Variants in ACTN4 observed in about 807,000 individuals in gnomAD.
ACTN4 encodes the protein actinin alpha 4, also known as alpha-actinin-4.
A neutral mutation model predicts 114.2 loss-of-function variants in ACTN4; 18 were observed. The observed-to-expected ratio is 0.16, with a 90% CI of 0.11 to 0.23. ACTN4 has a LOEUF of 0.23. Among genes scored for constraint, ACTN4 ranks in the 10% least tolerant of loss-of-function variants. The pLI, the probability that ACTN4 is intolerant of heterozygous loss-of-function variation, is 1.00. For missense variants in ACTN4, 722 were observed against 1,262.9 expected, an observed-to-expected ratio of 0.57 and a Z score of 6.49; for synonymous variants, 515 against 506.3, an observed-to-expected ratio of 1.02 and a Z score of -0.23.
chr19:38,727,164 C>T lies in ACTN4; in HGVS notation c.2337+61C>T. 4 of 1,611,734 alleles carry T rather than the reference C, an allele frequency of 2.5e-6. No homozygotes were observed. The highest frequency in any genetic ancestry group is 3.4e-6 in the Non-Finnish European group (4 of 1,178,770). On this transcript the variant is annotated intron_variant, in intron 18 of 20. Coordinates refer to ENST00000252699, the MANE Select transcript of ACTN4 (RefSeq NM_004924.6). This position sits in a 1 kb window ranked among gnomAD's most constrained non-coding sequence, Gnocchi z 5.4. ...CCGCCGTTGCCGTACCAGCCCACAC[C>T]TTCGTCTCTGCATCTGTTCGTCCAT...
At chr19:38,725,215 G>A (rs1969190804) in intron 16 of ACTN4, among the ~76,000 whole-genome samples, 2 of 152,202 alleles carry the variant, frequency 1.3e-5, no homozygotes, top group South Asian at 4.1e-4. Context: ...AGGCAACCTC[G>A]TTTAAACCCA....
At chr19:38,707,427 A>G (rs946904605) in intron 5 of ACTN4, among the ~76,000 whole-genome samples, 1 of 152,128 alleles carries the variant, frequency 6.6e-6, no homozygotes, top group African/African-American at 2.4e-5. Context: ...GGGAAGTCAG[A>G]TGAAGAAAGT....
intron 1 of ACTN4, among the ~76,000 whole-genome samples, chr19:38,667,143 T>C (rs1037417398): frequency 1.3e-5 from 2 of 152,206 alleles, no homozygotes; most frequent in Non-Finnish European, 2.9e-5. Context: ...CCTGACACGA[T>C]GGCTCAGAAC....
At chr19:38,676,837 A>G (rs1218354197) in intron 1 of ACTN4, among the ~76,000 whole-genome samples, 1 of 152,158 alleles carries the variant, frequency 6.6e-6, no homozygotes, top group Non-Finnish European at 1.5e-5. Context: ...TTCGAGCAAC[A>G]GCTCCTGGCG....
chr19:38,659,708 C>A (rs192381934), intron 1 of ACTN4, among the ~76,000 whole-genome samples: 1 of 152,108 alleles, frequency 6.6e-6, no homozygotes, highest in African/African-American at 2.4e-5. Flanking sequence ...ACTTTCTTGC[C>A]TAAAAATAAA....
At position 38,672,238 on chromosome 19, in the gene ACTN4, CTTTTTTTT is replaced by C. The variant is rs35567918; in HGVS notation, c.162+24344_162+24351del. On this transcript the variant is annotated intron_variant, in intron 1 of 20. Transcript: ENST00000252699. The stretch of plus-strand genomic sequence containing the variant: ...ACAGCAGTATTTCTTACATGTGGTT[CTTTTTTTT>C]TTTTTTTTTTTTGAGACGGAGTCTT... Among the ~76,000 whole-genome samples the C allele has an allele frequency of 7.9e-5, 9 of 113,718 alleles. No individual in the cohort carries two copies. The East Asian group carries it at 1.5e-3, about 19-fold the overall frequency. The allele number at this position is 113,718 out of a possible 152,430, so 74.6% of individuals were successfully genotyped here.
Position 38,709,474 on chromosome 19 carries a change from A to G in ACTN4, c.731A>G (p.Glu244Gly). 1.2e-6 allele frequency: 2 copies of G among 1,613,110 alleles called. No homozygotes were observed. The highest frequency in any genetic ancestry group is 1.7e-6 in the Non-Finnish European group (2 of 1,179,036). ...YLDIPKMLDA[E>G]DIVNTARPDE... The stretch of plus-strand genomic sequence containing the variant: ...GACATCCCCAAGATGCTGGATGCAG[A>G]GGGTAAGTCATCTCTTCTGTTCAGC... Residue 244 changes from glutamate to glycine, a missense_variant and splice_region_variant, in exon 7 of 21, where the codon GAG becomes GGG. Physicochemically the swap from Glu to Gly is moderately conservative, Grantham distance 98. Transcript: ENST00000252699.
At position 38,660,301 on chromosome 19, in the gene ACTN4, G is replaced by T. The variant is rs36095247; in HGVS notation, c.162+12394G>T. Among the ~76,000 whole-genome samples the T allele has an allele frequency of 2.1e-3, 314 of 152,292 alleles. 2 individuals are homozygous for T. The highest frequency in any genetic ancestry group is 7.2e-3 in the African/African-American group (299 of 41,578). The stretch of plus-strand genomic sequence containing the variant: ...ATAGATAATGAACAAGGTAACTTCA[G>T]ATAGGATTATGTGCAATAAATTAAA... On this transcript the variant is annotated intron_variant, in intron 1 of 20. Coordinates refer to ENST00000252699, the MANE Select transcript of ACTN4 (RefSeq NM_004924.6).
intron 1 of ACTN4, among the ~76,000 whole-genome samples, chr19:38,699,931 A>C (rs1014831296): frequency 2.6e-5 from 4 of 152,142 alleles, no homozygotes; most frequent in African/African-American, 9.7e-5. Flanking sequence ...GGGCTGCCCA[A>C]AGCTCAAAGA....
intron 1 of ACTN4, among the ~76,000 whole-genome samples, chr19:38,664,902 G>A (rs748330560): frequency 1.3e-5 from 2 of 152,156 alleles, no homozygotes; most frequent in Non-Finnish European, 2.9e-5. Context: ...CTTTGGGAGA[G>A]TTTTTTCTGG....
Position 38,723,493 on chromosome 19 carries a change from C to T in ACTN4, c.1443-121C>T, listed in dbSNP as rs1015199731. On this transcript the variant is annotated intron_variant, in intron 12 of 20. Coordinates refer to ENST00000252699, the MANE Select transcript of ACTN4 (RefSeq NM_004924.6). Reference sequence around the variant, plus strand: ...TGATTGACCAATTAGTGATTGGTTGCTGATATCCTGGAATGTTGACTGCCC... The same window carrying T: ...TGATTGACCAATTAGTGATTGGTTGTTGATATCCTGGAATGTTGACTGCCC... 3.6e-5 allele frequency: 27 copies of T among 756,540 alleles called. No individual in the cohort carries two copies. In the African/African-American group the frequency reaches 4.7e-4, roughly 13 times the overall value. 46.9% of individuals were successfully genotyped at this position (756,540 alleles called of 1,614,324 possible).
chr19:38,705,037 C>T lies in ACTN4; in HGVS notation c.484+17C>T. On this transcript the variant is annotated intron_variant, in intron 4 of 20. Coordinates refer to ENST00000252699, the MANE Select transcript of ACTN4 (RefSeq NM_004924.6). ...CCGTGGAAGGTGACAGCCACCTGTACTGCCCCCGCTTCCCACCTGAGTCAG... is the reference window on the plus strand; with the variant it reads ...CCGTGGAAGGTGACAGCCACCTGTATTGCCCCCGCTTCCCACCTGAGTCAG... 4 of 1,609,904 alleles carry T rather than the reference C, an allele frequency of 2.5e-6. No individual in the cohort carries two copies. Among genetic ancestry groups the T allele is most frequent in the Non-Finnish European group, 3.4e-6 (4 of 1,176,094 alleles).
intron 1 of ACTN4, among the ~76,000 whole-genome samples, chr19:38,654,973 C>T (rs1475693682): frequency 1.3e-5 from 2 of 152,142 alleles, no homozygotes; most frequent in African/African-American, 4.8e-5. Context: ...GTTGTGCTGG[C>T]TCCTTCCTTC....
chr19:38,708,506 C>T (rs980186282), intron 6 of ACTN4, among the ~76,000 whole-genome samples: 4 of 152,238 alleles, frequency 2.6e-5, no homozygotes, highest in Admixed American at 6.5e-5. Flanking sequence ...ATTCTAGAAC[C>T]TCCTCTGCCC....
intron 1 of ACTN4, among the ~76,000 whole-genome samples, chr19:38,667,616 G>A (rs1028703022): frequency 1.3e-5 from 2 of 151,718 alleles, no homozygotes; most frequent in African/African-American, 4.8e-5. Flanking sequence ...AGGCAGCGTG[G>A]TAAGTTAGAC....
At chr19:38,652,306 C>G (rs1976588471) in intron 1 of ACTN4, among the ~76,000 whole-genome samples, 1 of 152,152 alleles carries the variant, frequency 6.6e-6, no homozygotes, top group Non-Finnish European at 1.5e-5. Flanking sequence ...GGAGGCCACT[C>G]AGCTGCTAGC....
rs1250301354 is a variant in ACTN4, at chr19:38,730,497, C to T, written c.*1065C>T. The T allele has an allele frequency of 3.4e-6, 1 of 296,266 alleles. No homozygotes were observed. The highest frequency in any genetic ancestry group is 6.4e-6 in the Non-Finnish European group (1 of 156,038). 18.4% of individuals were successfully genotyped at this position (296,266 alleles called of 1,614,324 possible). On this transcript the variant is annotated 3_prime_UTR_variant, in exon 21 of 21. Transcript: ENST00000252699. ...TTCTGGATAAACCACCCTCTGGGGA[C>T]AGGATAATAAAACATGTAATATTTT... is the stretch of plus-strand genomic sequence containing the variant.
chr19:38,696,879 A>T (rs934522524), intron 1 of ACTN4, among the ~76,000 whole-genome samples: 1 of 152,342 alleles, frequency 6.6e-6, no homozygotes, highest in East Asian at 1.9e-4. Context: ...TGCCTGTGTC[A>T]GTCAGGAAGA....
rs758750616 is a variant in ACTN4 at position 38,729,166 on chromosome 19, C to T, written c.2577+12C>T. 47 of 1,612,766 alleles carry T rather than the reference C, an allele frequency of 2.9e-5. No homozygotes were observed. The highest frequency in any genetic ancestry group is 3.5e-5 in the Non-Finnish European group (41 of 1,179,996). On this transcript the variant is annotated intron_variant, in intron 20 of 20. Coordinates refer to ENST00000252699, the MANE Select transcript of ACTN4 (RefSeq NM_004924.6). The stretch of plus-strand genomic sequence containing the variant: ...TAGCAGGGGACAAGGTGAGCGAGAC[C>T]CCTACGAGGTGCATGGGGGCTGGCG...
Sources: allele counts gnomAD v4.1 joint callset (sites outside exome capture counted in the v4.1 genomes callset), GRCh38; gene constraint gnomAD v4.1.1; non-coding constraint Gnocchi (gnomAD v3.1); transcripts MANE v1.5; gene names NCBI Gene and HGNC (gene_info 2026-07-23, HGNC 2026-07-21).